ARMH3: variants seen among roughly 807,000 people sequenced by gnomAD.
The protein encoded by ARMH3 is armadillo-like helical domain-containing protein 3.
A neutral mutation model predicts 99.1 loss-of-function variants in ARMH3; 60 were observed. The ratio of observed to expected loss-of-function variants is 0.61; its 90% CI spans 0.49 to 0.75. The LOEUF is 0.75. Among genes scored for constraint, ARMH3 ranks in the 30% least tolerant of loss-of-function variants. ARMH3 has a pLI of 0.00. For missense variants in ARMH3, 679 were observed against 843.1 expected (o/e 0.81, Z 2.41); for synonymous variants, 285 against 292.8 (o/e 0.97, Z 0.27).
At chr10:101,937,759 A>G (rs1024514912) in intron 23 of ARMH3, among the ~76,000 whole-genome samples, 4 of 152,208 alleles carry the variant, frequency 2.6e-5, no homozygotes, top group Non-Finnish European at 4.4e-5. Flanking sequence ...GTCAGAAAAA[A>G]AAAGGGTAAA....
At position 101,849,809 on chromosome 10, in the gene ARMH3, C is replaced by A. The variant is rs2066545821; in HGVS notation, c.1944G>T (p.Glu648Asp). The A allele has an allele frequency of 6.2e-7, 1 of 1,614,060 alleles. No individual in the cohort carries two copies. The change falls in exon 25 of 26, where the codon GAG (glutamate) becomes GAT (aspartate). Residue 648 changes from glutamate (E) to aspartate (D), a missense_variant. Transcript: ENST00000370033. The part of the protein sequence containing the change: ...DGLDQYERYS[E>D]QHKEAAFFKE... The stretch of plus-strand genomic sequence containing the variant: ...TGAAGAAGGCAGCTTCCTTGTGCTG[C>A]TCTGAGTAGCGCTCATACTGGTCCA...
chr10:102,050,798 G>A (rs1422195057), intron 1 of ARMH3, among the ~76,000 whole-genome samples: 24 of 149,638 alleles, frequency 1.6e-4, no homozygotes, highest in South Asian at 2.1e-4. Context: ...TAGAGGTTGC[G>A]CTGAGCTGAG....
At chr10:102,048,515 T>C (rs2067612029) in intron 1 of ARMH3, among the ~76,000 whole-genome samples, 1 of 152,176 alleles carries the variant, frequency 6.6e-6, no homozygotes, top group Admixed American at 6.6e-5. Context: ...CAACCTCCGC[T>C]TCCTGGGTTC....
At chr10:102,054,497 G>T (rs890356759) in intron 1 of ARMH3, among the ~76,000 whole-genome samples, 2 of 151,874 alleles carry the variant, frequency 1.3e-5, no homozygotes, top group African/African-American at 4.8e-5. Flanking sequence ...CTTTACAGTC[G>T]TAACAAGAGG....
chr10:101,921,329 C>T (rs1258194969), intron 23 of ARMH3, among the ~76,000 whole-genome samples: 1 of 152,024 alleles, frequency 6.6e-6, no homozygotes, highest in Non-Finnish European at 1.5e-5. Context: ...CAGGAGAGGG[C>T]ATAGTTCTGG....
chr10:101,897,368 TC>T (rs1344306860), intron 23 of ARMH3, among the ~76,000 whole-genome samples: 1 of 152,186 alleles, frequency 6.6e-6, no homozygotes, highest in East Asian at 1.9e-4. Context: ...CTAGCTATCC[TC>T]CCAAAGTATG....
At chr10:101,900,325 G>T (rs921996553) in intron 23 of ARMH3, among the ~76,000 whole-genome samples, 2 of 152,040 alleles carry the variant, frequency 1.3e-5, no homozygotes, top group African/African-American at 2.4e-5. Flanking sequence ...TACACGCTCA[G>T]AAATGCCAAA....
At position 102,006,631 on chromosome 10, in the gene ARMH3, G is replaced by A. The variant is rs1276277369; in HGVS notation, c.957C>T (p.Ser319=). Residue 319 remains serine, a splice_region_variant and synonymous_variant, in exon 14 of 26, where the codon AGC becomes AGT. Coordinates refer to ENST00000370033, the MANE Select transcript of ARMH3 (RefSeq NM_024541.3). ...TCGTCACCAAGCCCATTTCTGGATG[G>A]CTCTGAAAAAGATACACAGATGTGT... ...NRNFITVLAQ[S]HPEMGLVTTP... 6.2e-7 allele frequency: 1 copy of A among 1,613,694 alleles called. No homozygotes were observed. The highest frequency in any genetic ancestry group is 8.5e-7 in the Non-Finnish European group (1 of 1,179,706).
chr10:101,881,703 G>C (rs1009666013), intron 24 of ARMH3, among the ~76,000 whole-genome samples: 1 of 152,182 alleles, frequency 6.6e-6, no homozygotes, highest in South Asian at 2.1e-4. Flanking sequence ...GAGTCAGTGC[G>C]ATAGGGATTA....
At chr10:101,894,436 C>G (rs2067767658) in intron 23 of ARMH3, among the ~76,000 whole-genome samples, 1 of 152,184 alleles carries the variant, frequency 6.6e-6, no homozygotes, top group African/African-American at 2.4e-5. Context: ...GAGTGACACA[C>G]CTTTGCAGTA....
At chr10:102,016,265 G>A (rs11595964) in intron 8 of ARMH3, among the ~76,000 whole-genome samples, 145 of 152,296 alleles carry the variant, frequency 9.5e-4, no homozygotes, top group Non-Finnish European at 1.9e-3. Context: ...ATACTCCAAT[G>A]AGCACTTCCT....
At chr10:102,024,496 T>G (rs569654387) in intron 6 of ARMH3, among the ~76,000 whole-genome samples, 1 of 146,418 alleles carries the variant, frequency 6.8e-6, no homozygotes, top group Non-Finnish European at 1.5e-5. Context: ...ATACTCAGAA[T>G]CCTCCGGGCG....
At chr10:102,005,640 C>A (rs930315193) in intron 14 of ARMH3, among the ~76,000 whole-genome samples, 1 of 152,108 alleles carries the variant, frequency 6.6e-6, no homozygotes, top group African/African-American at 2.4e-5. Flanking sequence ...ACTTCTTTAC[C>A]AAAACAAGGT....
chr10:101,850,223 G>A (rs552084992), intron 24 of ARMH3, among the ~76,000 whole-genome samples: 1 of 148,876 alleles, frequency 6.7e-6, no homozygotes, highest in African/African-American at 2.5e-5. Flanking sequence ...TCAGCCTCCC[G>A]AGTAGCTGGG....
At chr10:102,051,842 A>G (rs994324361) in intron 1 of ARMH3, among the ~76,000 whole-genome samples, 1 of 152,210 alleles carries the variant, frequency 6.6e-6, no homozygotes, top group African/African-American at 2.4e-5. Flanking sequence ...GTTACAAATG[A>G]TCAATGAAGA....
chr10:101,997,636 T>C (rs1323645448), intron 15 of ARMH3, among the ~76,000 whole-genome samples: 1 of 151,782 alleles, frequency 6.6e-6, no homozygotes, highest in Non-Finnish European at 1.5e-5. Flanking sequence ...GAGAAGTGAT[T>C]GGGGAGGGAC....
At chr10:101,876,247 C>A (rs1174869853) in intron 24 of ARMH3, among the ~76,000 whole-genome samples, 176 of 83,446 alleles carry the variant, frequency 2.1e-3, no homozygotes, top group Middle Eastern at 6.8e-3. Flanking sequence ...GGCTCCATCT[C>A]AAAAAAAAAA....
chr10:101,894,781 G>A (rs1205431553), intron 23 of ARMH3, among the ~76,000 whole-genome samples: 7 of 150,864 alleles, frequency 4.6e-5, no homozygotes, highest in Non-Finnish European at 4.4e-5. Context: ...GCTGAGGCAG[G>A]AGAACTGCTT....
intron 24 of ARMH3, among the ~76,000 whole-genome samples, chr10:101,887,192 G>A (rs1010923488): frequency 2.6e-5 from 4 of 152,080 alleles, no homozygotes; most frequent in African/African-American, 4.8e-5. Flanking sequence ...AGTTAGAGAA[G>A]AGAAGCAACA....
Sources: gnomAD v4.1 joint callset for allele counts (sites outside exome capture counted in the v4.1 genomes callset) on GRCh38, gnomAD v4.1.1 for gene constraint, MANE v1.5 for transcripts, NCBI Gene and HGNC (gene_info 2026-07-23, HGNC 2026-07-21) for gene names.